The following CHODL variants were observed in gnomAD, a reference collection of about 807,000 sequenced individuals.
CHODL encodes the protein chondrolectin.
A neutral mutation model predicts 34.5 loss-of-function variants in CHODL; 29 were observed. The observed-to-expected ratio is 0.84, with a 90% CI of 0.63 to 1.15. The LOEUF (loss-of-function observed/expected upper bound fraction) is 1.15, where lower values mean the gene tolerates loss of function less well. Ranked by LOEUF, CHODL falls within the 50% of genes most tolerant of loss-of-function variation. The pLI is 0.00. For synonymous variants in CHODL, 125 were observed against 116.1 expected (o/e 1.08, Z -0.49); for missense variants, 332 against 332.5 (o/e 1.00, Z 0.01).
intron 2 of CHODL, among the ~76,000 whole-genome samples, chr21:18,077,702 T>C (rs778143761): frequency 4.6e-5 from 7 of 152,012 alleles, no homozygotes; most frequent in Non-Finnish European, 1.0e-4. Flanking sequence ...AAGAGTGCTG[T>C]TTAGGACGCA....
At chr21:18,101,668 G>A (rs1735297) in intron 2 of CHODL, among the ~76,000 whole-genome samples, 68,286 of 151,216 alleles carry the variant, frequency 0.45, 16,050 homozygotes, top group Non-Finnish European at 0.51. Context: ...AAGTGTTGAA[G>A]CCAGTAGCTG....
At chr21:17,936,213 C>T (rs2063317940) in intron 1 of CHODL, among the ~76,000 whole-genome samples, 1 of 152,016 alleles carries the variant, frequency 6.6e-6, no homozygotes, top group South Asian at 2.1e-4. Flanking sequence ...AGGATTCAGG[C>T]AATGAAGGAC....
At chr21:18,083,666 A>G (rs1307414803) in intron 2 of CHODL, among the ~76,000 whole-genome samples, 1 of 152,190 alleles carries the variant, frequency 6.6e-6, no homozygotes, top group African/African-American at 2.4e-5. Flanking sequence ...CAAGGAGATT[A>G]TTCTGGAGCT....
intron 2 of CHODL, among the ~76,000 whole-genome samples, chr21:18,197,852 A>T (rs1601136920): frequency 6.6e-6 from 1 of 152,220 alleles, no homozygotes; most frequent in Non-Finnish European, 1.5e-5. Flanking sequence ...AAACTGTAAA[A>T]GCCAAAAGGA....
intron 2 of CHODL, among the ~76,000 whole-genome samples, chr21:18,208,819 C>T (rs1412576827): frequency 1.3e-5 from 2 of 152,084 alleles, no homozygotes; most frequent in African/African-American, 2.4e-5. Flanking sequence ...GTTCTCTTCC[C>T]TTACTTTCTC....
intron 1 of CHODL, among the ~76,000 whole-genome samples, chr21:18,250,384 C>T (rs1414476401): frequency 1.3e-5 from 2 of 152,000 alleles, no homozygotes; most frequent in Non-Finnish European, 2.9e-5. Flanking sequence ...AAAAGTAGGG[C>T]TTGCTGCTGC....
At chr21:17,977,426 C>G (rs369044402) in intron 1 of CHODL, among the ~76,000 whole-genome samples, 1 of 146,438 alleles carries the variant, frequency 6.8e-6, no homozygotes, top group African/African-American at 2.5e-5. Flanking sequence ...AGTGCAGTGG[C>G]GTGATCTCGG....
intron 2 of CHODL, among the ~76,000 whole-genome samples, chr21:18,215,107 G>A (rs139293214): frequency 2.1e-4 from 32 of 151,820 alleles, no homozygotes; most frequent in African/African-American, 7.0e-4. Flanking sequence ...ATTGGCAGCC[G>A]TCTTGCCTCA....
At chr21:18,174,296 A>G (rs1568923295) in intron 2 of CHODL, among the ~76,000 whole-genome samples, 2 of 150,926 alleles carry the variant, frequency 1.3e-5, no homozygotes, top group Non-Finnish European at 3.0e-5. Flanking sequence ...TCATATATAC[A>G]TAGCACACAA....
intron 1 of CHODL, among the ~76,000 whole-genome samples, chr21:17,945,315 T>C (rs553950363): frequency 3.3e-5 from 5 of 152,098 alleles, no homozygotes; most frequent in Admixed American, 1.3e-4. Context: ...AACAAGTTTA[T>C]TGAATTACAA....
At chr21:18,263,682 A>G (rs2074409556) in intron 5 of CHODL, among the ~76,000 whole-genome samples, 1 of 152,188 alleles carries the variant, frequency 6.6e-6, no homozygotes. Flanking sequence ...TTGCTAGAAT[A>G]AACTAGACAT....
chr21:18,245,245 C>A lies in CHODL; in HGVS notation c.22C>A (p.Leu8Met). 6.6e-7 allele frequency: 1 copy of A among 1,523,560 alleles called. No homozygotes were observed. The highest frequency in any genetic ancestry group is 8.8e-7 in the Non-Finnish European group (1 of 1,142,468). 94.4% of individuals were successfully genotyped at this position (1,523,560 alleles called of 1,614,324 possible). MSRVVSL[L>M]LGAALLCGHG... ...CGCGATGAGCCGCGTGGTCTCGCTG[C>A]TGCTGGGCGCCGCGCTGCTCTGCGG... The change falls in exon 1 of 6, where the codon CTG becomes ATG. Residue 8 changes from leucine to methionine, a missense_variant. Leu to Met is a conservative substitution (Grantham distance 15, BLOSUM62 2). Transcript: ENST00000299295.
intron 2 of CHODL, among the ~76,000 whole-genome samples, chr21:18,220,273 C>A (rs2073870007): frequency 6.6e-6 from 1 of 152,044 alleles, no homozygotes; most frequent in South Asian, 2.1e-4. Flanking sequence ...ACTTTTAAGT[C>A]CATTCAGCCA....
intron 2 of CHODL, among the ~76,000 whole-genome samples, chr21:18,104,400 C>A (rs900063090): frequency 6.6e-6 from 1 of 152,084 alleles, no homozygotes; most frequent in Non-Finnish European, 1.5e-5. Flanking sequence ...GCCTTGCTTC[C>A]CCTTCGCCTT....
intron 1 of CHODL, among the ~76,000 whole-genome samples, chr21:17,972,965 CAG>C (rs2063628137): frequency 1.3e-5 from 2 of 152,228 alleles, no homozygotes; most frequent in South Asian, 4.2e-4. Flanking sequence ...TGAAACAAAA[CAG>C]AGGCCCCAGA....
At chr21:17,949,076 A>G (rs922172423) in intron 1 of CHODL, among the ~76,000 whole-genome samples, 1 of 152,130 alleles carries the variant, frequency 6.6e-6, no homozygotes, top group Admixed American at 6.5e-5. Flanking sequence ...TGTTTACACC[A>G]GTTTTATGGG....
intron 2 of CHODL, among the ~76,000 whole-genome samples, chr21:18,101,608 T>C (rs573282828): frequency 6.6e-4 from 101 of 152,280 alleles, no homozygotes; most frequent in Non-Finnish European, 1.3e-3. Flanking sequence ...ATTTTAAATG[T>C]GTCATTATAA....
chr21:18,047,490 T>G (rs1339963947), intron 2 of CHODL, among the ~76,000 whole-genome samples: 7 of 151,952 alleles, frequency 4.6e-5, no homozygotes, highest in Admixed American at 4.6e-4. Flanking sequence ...GGCTTGTAAC[T>G]GTATATGCTA....
At chr21:18,010,471 G>A (rs776155788) in intron 1 of CHODL, among the ~76,000 whole-genome samples, 2 of 152,072 alleles carry the variant, frequency 1.3e-5, no homozygotes, top group Admixed American at 6.5e-5. Context: ...CTTACTTGCG[G>A]CTTTATCTGT....
Sources: gnomAD v4.1 joint callset for allele counts (sites outside exome capture counted in the v4.1 genomes callset) on GRCh38, gnomAD v4.1.1 for gene constraint, MANE v1.5 for transcripts, NCBI Gene and HGNC (gene_info 2026-07-23, HGNC 2026-07-21) for gene names.